LPAR1: variants seen among roughly 807,000 people sequenced by gnomAD.
The protein encoded by LPAR1 is LPA receptor 1.
LPAR1 carries 5 observed loss-of-function variants against 23.8 expected under a neutral mutation model. That is an observed-to-expected ratio of 0.21 (90% CI 0.11 to 0.44). The LOEUF is 0.44. LPAR1 is among the 20% of genes least tolerant of loss of function. The pLI is 0.99. For synonymous variants in LPAR1, 160 were observed against 164.7 expected (o/e 0.97, Z 0.22); for missense variants, 311 against 482.8 (o/e 0.64, Z 3.33).
At chr9:111,012,802 G>A (rs1366633511) in intron 2 of LPAR1, among the ~76,000 whole-genome samples, 9 of 152,076 alleles carry the variant, frequency 5.9e-5, no homozygotes, top group African/African-American at 2.2e-4. Flanking sequence ...TGCCAGAAGA[G>A]AGGAGAGGAA....
At chr9:111,029,112 T>C (rs79298358) in intron 2 of LPAR1, among the ~76,000 whole-genome samples, 2,690 of 152,304 alleles carry the variant, frequency 0.018, 39 homozygotes, top group Non-Finnish European at 0.027. Context: ...AGAATTGAAA[T>C]AAGCCTTGTC....
chr9:110,899,929 C>A (rs1185461775), intron 5 of LPAR1, among the ~76,000 whole-genome samples: 1 of 152,116 alleles, frequency 6.6e-6, no homozygotes, highest in Admixed American at 6.5e-5. Flanking sequence ...TGGTGAAAAT[C>A]AAAAATGTCT....
chr9:111,025,012 G>A (rs1000926908), intron 2 of LPAR1, among the ~76,000 whole-genome samples: 5 of 152,220 alleles, frequency 3.3e-5, no homozygotes, highest in East Asian at 3.9e-4. Flanking sequence ...ATAAACATAC[G>A]TGTGCATGTG....
chr9:111,032,920 G>A (rs1339344245), intron 2 of LPAR1, among the ~76,000 whole-genome samples: 2 of 152,052 alleles, frequency 1.3e-5, no homozygotes, highest in African/African-American at 4.8e-5. Flanking sequence ...TTTTCTTTTA[G>A]AGAAAAATGC....
chr9:111,015,644 C>A (rs1330730775), intron 2 of LPAR1, among the ~76,000 whole-genome samples: 1 of 152,070 alleles, frequency 6.6e-6, no homozygotes, highest in Non-Finnish European at 1.5e-5. Flanking sequence ...ATCCACTGCA[C>A]AGCAGAGTGG....
chr9:110,889,292 A>T (rs1041443129), intron 5 of LPAR1, among the ~76,000 whole-genome samples: 6 of 152,138 alleles, frequency 3.9e-5, no homozygotes, highest in African/African-American at 1.4e-4. Flanking sequence ...CGGGAGGCGG[A>T]GCTTGCAGTG....
chr9:110,961,634 AAAAAAAG>A (rs1331208347), intron 4 of LPAR1, among the ~76,000 whole-genome samples: 3 of 151,450 alleles, frequency 2.0e-5, no homozygotes, highest in Admixed American at 1.3e-4. Context: ...AAAAAAAAAA[AAAAAAAG>A]AAAGAAAGAA....
chr9:110,902,101 A>G (rs914235383), intron 5 of LPAR1, among the ~76,000 whole-genome samples: 3 of 152,084 alleles, frequency 2.0e-5, no homozygotes, highest in Admixed American at 6.5e-5. Flanking sequence ...GTGTCTTACA[A>G]CCCACAACCT....
intron 4 of LPAR1, among the ~76,000 whole-genome samples, 164 bp downstream of exon 4, chr9:110,971,909 G>A (rs760107026): frequency 6.6e-6 from 1 of 152,078 alleles, no homozygotes; most frequent in Non-Finnish European, 1.5e-5. Flanking sequence ...CTTCCTGAAC[G>A]AAATGGCACC....
intron 2 of LPAR1, among the ~76,000 whole-genome samples, chr9:110,977,782 A>G (rs2096582033): frequency 7.4e-6 from 1 of 134,564 alleles, no homozygotes; most frequent in African/African-American, 2.6e-5. Flanking sequence ...TTAAAACAGA[A>G]GGAAAGAAGG....
intron 2 of LPAR1, among the ~76,000 whole-genome samples, chr9:111,016,907 T>C (rs2097458712): frequency 6.6e-6 from 1 of 152,234 alleles, no homozygotes; most frequent in South Asian, 2.1e-4. Flanking sequence ...CAATACAGTT[T>C]TTTTTAACCC....
At chr9:110,980,387 T>C (rs1015456117) in intron 2 of LPAR1, among the ~76,000 whole-genome samples, 24 of 151,930 alleles carry the variant, frequency 1.6e-4, no homozygotes, top group Non-Finnish European at 1.5e-5. Context: ...GGTAAAATTG[T>C]AGGAAGCAAG....
chr9:110,876,048 C>T (rs146649237), intron 5 of LPAR1, among the ~76,000 whole-genome samples: 1 of 152,264 alleles, frequency 6.6e-6, no homozygotes, highest in African/African-American at 2.4e-5. Context: ...CCTCACATAA[C>T]AACATGGTTT....
intron 5 of LPAR1, among the ~76,000 whole-genome samples, chr9:110,923,109 G>T (rs900690524): frequency 2.0e-5 from 3 of 151,974 alleles, no homozygotes; most frequent in Non-Finnish European, 4.4e-5. Flanking sequence ...GAAGCATCAT[G>T]GGTCCTGACC....
At chr9:110,915,995 G>A (rs1332958398) in intron 5 of LPAR1, among the ~76,000 whole-genome samples, 1 of 119,222 alleles carries the variant, frequency 8.4e-6, no homozygotes, top group Non-Finnish European at 1.8e-5. Context: ...TAAGTATACA[G>A]TGATATAACC....
At chr9:110,954,718 AAAC>A (rs996837803) in intron 4 of LPAR1, among the ~76,000 whole-genome samples, 32 of 152,284 alleles carry the variant, frequency 2.1e-4, no homozygotes, top group African/African-American at 7.2e-4. Flanking sequence ...ACAAACAAAC[AAAC>A]AAAAAAAACT....
chr9:110,923,467 G>C (rs1055108024), intron 5 of LPAR1, among the ~76,000 whole-genome samples: 2 of 152,052 alleles, frequency 1.3e-5, no homozygotes, highest in Non-Finnish European at 2.9e-5. Flanking sequence ...TGTACAATAG[G>C]CTTTGTGTTA....
chr9:110,906,001 A>G lies in LPAR1; in HGVS notation c.794-30279T>C, dbSNP rs573302034. ...ACGTGACATGTAATAAGCTTTCTAC[A>G]GTAGCTATTATAATCCAGGAGCATG... is the stretch of plus-strand genomic sequence containing the variant. On this transcript the variant is annotated intron_variant, in intron 5 of 5. Coordinates refer to ENST00000683809, the MANE Select transcript of LPAR1 (RefSeq NM_001351411.2). Among the ~76,000 whole-genome samples the G allele has an allele frequency of 2.6e-5, 4 of 152,368 alleles. No individual in the cohort carries two copies. The East Asian group carries it at 7.7e-4, about 29-fold the overall frequency.
intron 5 of LPAR1, among the ~76,000 whole-genome samples, chr9:110,906,344 A>G (rs2091209032): frequency 6.6e-6 from 1 of 152,202 alleles, no homozygotes. Context: ...CTTAATTTGT[A>G]TAATATAATG....
Sources: allele counts gnomAD v4.1 joint callset (sites outside exome capture counted in the v4.1 genomes callset), GRCh38; gene constraint gnomAD v4.1.1; transcripts MANE v1.5; gene names NCBI Gene and HGNC (gene_info 2026-07-23, HGNC 2026-07-21).